Variants in PKD1L1 observed in about 807,000 individuals in gnomAD.
PKD1L1 encodes polycystin-1-like protein 1.
In PKD1L1, 236 loss-of-function variants were observed where a neutral mutation model predicts 323.4. The ratio of observed to expected loss-of-function variants is 0.73; its 90% CI spans 0.66 to 0.81. The LOEUF is 0.81. Ranked by LOEUF, PKD1L1 falls within the 40% of genes least tolerant of loss-of-function variation. The pLI, the probability that PKD1L1 is intolerant of heterozygous loss-of-function variation, is 0.00. For missense variants in PKD1L1, 3,320 were observed against 3,508.0 expected (o/e 0.95, Z 1.35); for synonymous variants, 1,344 against 1,335.0 (o/e 1.01, Z -0.15).
chr7:47,958,173 C>T, the PKD1L1 span, among the ~76,000 whole-genome samples: 1 of 152,070 alleles, frequency 6.6e-6, no homozygotes, highest in African/African-American at 2.4e-5. Context: ...CTGGAGGCAT[C>T]ATAATACCTG....
intron 56 of PKD1L1, among the ~76,000 whole-genome samples, chr7:47,790,035 C>T (rs1356211839): frequency 3.3e-5 from 5 of 151,820 alleles, no homozygotes; most frequent in African/African-American, 1.2e-4. Context: ...ACTACAGCCG[C>T]GTGCCATGAC....
At position 47,813,969 on chromosome 7, in the gene PKD1L1, T is replaced by C. The variant is rs746949306; in HGVS notation, c.7135A>G (p.Ile2379Val). 2.9e-5 allele frequency: 47 copies of C among 1,614,006 alleles called. No homozygotes were observed. The highest frequency in any genetic ancestry group is 3.9e-5 in the Non-Finnish European group (46 of 1,180,038). Reference protein sequence around the residue: ...GKCYLIGSSVIRQLKVFPRHL... With the variant: ...GKCYLIGSSVVRQLKVFPRHL... Reference sequence around the variant, plus strand: ...CTAGGAAAAACTTTTAGCTGCCTAATTACGGAACTGCCTATTAGGTAGCAT... The same window carrying C: ...CTAGGAAAAACTTTTAGCTGCCTAACTACGGAACTGCCTATTAGGTAGCAT... Residue 2379 changes from isoleucine (I) to valine (V), a missense_variant, in exon 48 of 57, where the codon ATT becomes GTT. Physicochemically the swap from Ile to Val is conservative, Grantham distance 29. Coordinates refer to ENST00000289672, the MANE Select transcript of PKD1L1 (RefSeq NM_138295.5).
At chr7:47,784,748 C>T (rs886339800) in intron 56 of PKD1L1, among the ~76,000 whole-genome samples, 2 of 152,166 alleles carry the variant, frequency 1.3e-5, no homozygotes, top group African/African-American at 4.8e-5. Context: ...GCTGGGATTA[C>T]AGACATGAGC....
At chr7:47,911,216 T>C (rs1407062153) in intron 8 of PKD1L1, among the ~76,000 whole-genome samples, 1 of 152,084 alleles carries the variant, frequency 6.6e-6, no homozygotes, top group Non-Finnish European at 1.5e-5. Context: ...TATTTAAAAG[T>C]GTGTGGCATC....
At chr7:47,943,331 T>G (rs1412583792) in intron 2 of PKD1L1, 65 bp downstream of exon 2, 2 of 1,324,042 alleles carry the variant, frequency 1.5e-6, no homozygotes, top group Non-Finnish European at 2.2e-6. Context: ...GATGTCCTGT[T>G]TATACCAGGG....
intron 30 of PKD1L1, among the ~76,000 whole-genome samples, chr7:47,853,719 G>A (rs1429279468): frequency 1.3e-5 from 2 of 149,090 alleles, no homozygotes; most frequent in African/African-American, 2.5e-5. Flanking sequence ...CTCCAACCTG[G>A]GCAACAAGAA....
chr7:47,832,946 G>A, intron 41 of PKD1L1, 144 bp downstream of exon 41: 1 of 1,103,668 alleles, frequency 9.1e-7, no homozygotes, highest in Non-Finnish European at 1.3e-6. Flanking sequence ...TCAGTTTTGG[G>A]TGGGCCCATG....
intron 7 of PKD1L1, among the ~76,000 whole-genome samples, chr7:47,921,585 T>C (rs933620102): frequency 3.9e-5 from 6 of 152,212 alleles, no homozygotes; most frequent in Admixed American, 3.9e-4. Flanking sequence ...TGCACATGCA[T>C]ATTTGTAGCA....
At chr7:47,929,978 C>T (rs1787733797) in intron 6 of PKD1L1, among the ~76,000 whole-genome samples, 2 of 152,222 alleles carry the variant, frequency 1.3e-5, no homozygotes, top group Admixed American at 6.5e-5. Context: ...CTACATTTCT[C>T]CCTAGCTCCT....
intron 33 of PKD1L1, among the ~76,000 whole-genome samples, chr7:47,843,669 C>T (rs1430295482): frequency 6.6e-6 from 1 of 152,152 alleles, no homozygotes; most frequent in African/African-American, 2.4e-5. Context: ...TGTTCCCTAC[C>T]TGTAGCCTCT....
intron 56 of PKD1L1, among the ~76,000 whole-genome samples, chr7:47,786,501 C>A (rs1165645414): frequency 1.3e-5 from 2 of 152,174 alleles, no homozygotes; most frequent in African/African-American, 4.8e-5. Flanking sequence ...TTATAAAAAC[C>A]ATCTCACCTT....
At chr7:47,829,379 T>A in intron 44 of PKD1L1, 46 bp downstream of exon 44, 1 of 1,509,890 alleles carries the variant, frequency 6.6e-7, no homozygotes, top group Non-Finnish European at 9.0e-7. Flanking sequence ...GAATATAAAG[T>A]AGTTTTTTAA....
chr7:47,897,884 C>T, intron 14 of PKD1L1, 104 bp downstream of exon 14: 2 of 915,626 alleles, frequency 2.2e-6, no homozygotes, highest in Non-Finnish European at 1.6e-6. Flanking sequence ...CTCCCTTTTC[C>T]TGGATCGAAC....
chr7:47,943,166 ATATATATATAT>A (rs1563001820), intron 2 of PKD1L1, among the ~76,000 whole-genome samples: 104 of 32,896 alleles, frequency 3.2e-3, no homozygotes, highest in African/African-American at 8.4e-3. Context: ...AAAAAAAAAT[ATATATATATAT>A]ATATATATAT....
At chr7:47,881,377 C>T (rs1786549956) in intron 20 of PKD1L1, among the ~76,000 whole-genome samples, 1 of 152,096 alleles carries the variant, frequency 6.6e-6, no homozygotes, top group African/African-American at 2.4e-5. Flanking sequence ...TCTCAAAATG[C>T]TTCAAGGAAA....
At chr7:47,829,389 A>T in intron 44 of PKD1L1, 36 bp downstream of exon 44, 1 of 1,543,768 alleles carries the variant, frequency 6.5e-7, no homozygotes, top group Admixed American at 2.1e-5. Context: ...TAGTTTTTTA[A>T]ATCTCAATTT....
the PKD1L1 span, among the ~76,000 whole-genome samples, chr7:47,955,389 T>C: frequency 6.6e-6 from 1 of 152,168 alleles, no homozygotes; most frequent in Non-Finnish European, 1.5e-5. Context: ...ATTTACTTTA[T>C]TACAAAGATA....
In PKD1L1 at chr7:47,946,353, C is replaced by A. The variant is rs1171146644; in HGVS notation, c.44+2044G>T. Among the ~76,000 whole-genome samples, 1 of 151,754 alleles carries A rather than the reference C, an allele frequency of 6.6e-6. No individual in the cohort carries two copies. The highest frequency in any genetic ancestry group is 2.4e-5 in the African/African-American group (1 of 41,236). On this transcript the variant is annotated intron_variant, in intron 1 of 56. Transcript: ENST00000289672. The surrounding 1 kb of genome is among the most constrained non-coding windows in gnomAD (Gnocchi z 4.1). ...AGAGCATTAGGACAAATACCTACCA[C>A]ACAAACACACACCACACACTCACAC...
intron 26 of PKD1L1, among the ~76,000 whole-genome samples, chr7:47,863,080 G>T (rs1244393864): frequency 1.3e-5 from 2 of 152,172 alleles, no homozygotes; most frequent in Non-Finnish European, 2.9e-5. Context: ...GAGGTAGGAA[G>T]ATTCTAGCTA....
Sources: gnomAD v4.1 joint callset for allele counts (sites outside exome capture counted in the v4.1 genomes callset) on GRCh38, gnomAD v4.1.1 for gene constraint, Gnocchi (gnomAD v3.1) non-coding constraint, MANE v1.5 for transcripts, NCBI Gene and HGNC (gene_info 2026-07-23, HGNC 2026-07-21) for gene names.